PGK1: variants seen among roughly 807,000 people sequenced by gnomAD.
The protein encoded by PGK1 is phosphoglycerate kinase 1, also known as PRP 2.
A neutral mutation model predicts 26.9 loss-of-function variants in PGK1; 3 were observed. The observed-to-expected ratio is 0.11, with a 90% CI of 0.05 to 0.29. PGK1 has a LOEUF of 0.29. Ranked by LOEUF, PGK1 falls within the 10% of genes least tolerant of loss-of-function variation. The probability of loss-of-function intolerance (pLI) is 1.00; values close to 1 mark genes in which losing one functional copy is unlikely to be tolerated. For synonymous variants in PGK1, 125 were observed against 115.3 expected (o/e 1.08, Z -0.54); for missense variants, 270 against 314.7 (o/e 0.86, Z 1.07).
intron 4 of PGK1, among the ~76,000 whole-genome samples, chrX:78,115,933 C>T (rs1284171680): frequency 9.0e-6 from 1 of 110,885 alleles, no homozygotes; most frequent in African/African-American, 3.3e-5. Flanking sequence ...ATTGCAGCCT[C>T]AAACTTGAGG....
In PGK1 at chrX:78,114,009, T is replaced by C; in HGVS notation, c.273-7T>C. On this transcript the variant is annotated splice_polypyrimidine_tract_variant and splice_region_variant and intron_variant, in intron 3 of 10. Coordinates refer to ENST00000373316, the MANE Select transcript of PGK1 (RefSeq NM_000291.4). ...GCTCAAGTGTCTTCATCTCTTCCTC[T>C]TCTCAGGGATGTTCTGTTCTTGAAG... The C allele has an allele frequency of 2.5e-6, 3 of 1,211,068 alleles. No homozygotes were observed. Among genetic ancestry groups the C allele is most frequent in the Non-Finnish European group, 3.4e-6 (3 of 894,951 alleles).
rs1262591204 is a variant in PGK1 at position 78,129,277 on chromosome X, T to G, written c.*3447T>G. On this transcript the variant is annotated 3_prime_UTR_variant, in exon 11 of 11. Transcript: ENST00000373316. ...TCTATCTATCTGTATATAGATATAT[T>G]AAAATGTAAATGGTGGCATACCTGC... The G allele has an allele frequency of 1.1e-5, 1 of 94,516 alleles. No individual in the cohort carries two copies. Among genetic ancestry groups the G allele is most frequent in the African/African-American group, 4.2e-5 (1 of 23,677 alleles). 7.8% of individuals were successfully genotyped at this position (94,516 alleles called of 1,213,427 possible).
In PGK1 at chrX:78,124,052, CAT is replaced by C. The variant is rs2078370658; in HGVS notation, c.936+681_936+682del. ...AGAAAGCTATATAAGAAAACTTTCT[CAT>C]ATGAAAAAATTAAGTATACTGATTA... On this transcript the variant is annotated intron_variant, in intron 8 of 10. Coordinates refer to ENST00000373316, the MANE Select transcript of PGK1 (RefSeq NM_000291.4). 2.7e-5 allele frequency among the ~76,000 whole-genome samples: 3 copies of C among 111,216 alleles called. No homozygotes were observed. The Admixed American group carries it at 2.9e-4, about 11-fold the overall frequency.
intron 6 of PGK1, among the ~76,000 whole-genome samples, chrX:78,121,884 C>T (rs911201446): frequency 9.0e-6 from 1 of 111,236 alleles, no homozygotes; most frequent in Non-Finnish European, 1.9e-5. Context: ...ATTGGGTGAC[C>T]CAATAAAAAT....
At chrX:78,110,182 T>C (rs2078293094) in intron 2 of PGK1, among the ~76,000 whole-genome samples, 1 of 110,891 alleles carries the variant, frequency 9.0e-6, no homozygotes, top group Non-Finnish European at 1.9e-5. Flanking sequence ...AGATAGGGTC[T>C]CACTCTGTCA....
intron 6 of PGK1, among the ~76,000 whole-genome samples, chrX:78,119,182 A>G (rs1209504279): frequency 2.7e-5 from 3 of 111,964 alleles, no homozygotes; most frequent in Non-Finnish European, 5.6e-5. Context: ...CTGGCAGGGT[A>G]TAACTATGAA....
intron 1 of PGK1, among the ~76,000 whole-genome samples, chrX:78,107,648 A>G (rs1157566908): frequency 8.9e-6 from 1 of 112,078 alleles, no homozygotes; most frequent in African/African-American, 3.3e-5. Context: ...GAAGGATATT[A>G]GGGTTGTTTC....
intron 6 of PGK1, among the ~76,000 whole-genome samples, chrX:78,121,679 A>C (rs1473784671): frequency 8.9e-6 from 1 of 112,477 alleles, no homozygotes; most frequent in African/African-American, 3.2e-5. Flanking sequence ...GCAGGCTATT[A>C]CTTTGTTTCT....
intron 1 of PGK1, among the ~76,000 whole-genome samples, chrX:78,106,945 A>G (rs1183590253): frequency 2.7e-5 from 3 of 110,392 alleles, no homozygotes; most frequent in African/African-American, 9.9e-5. Flanking sequence ...GGGAAGAGAA[A>G]CAGGAAAAAA....
chrX:78,109,079 T>C, intron 1 of PGK1, among the ~76,000 whole-genome samples: 1 of 111,986 alleles, frequency 8.9e-6, no homozygotes, highest in South Asian at 3.7e-4. Context: ...TTCTTAAGAA[T>C]GATAACATAG....
At chrX:78,106,600 A>T in intron 1 of PGK1, 2 of 753,008 alleles carry the variant, frequency 2.7e-6, no homozygotes, top group Non-Finnish European at 3.1e-6. Flanking sequence ...TGTCCTGCAG[A>T]AGTGAACTAT....
At chrX:78,119,017 A>G (rs931133976) in intron 6 of PGK1, among the ~76,000 whole-genome samples, 9 of 111,651 alleles carry the variant, frequency 8.1e-5, no homozygotes, top group Non-Finnish European at 1.7e-4. Flanking sequence ...TCTGCAGGGA[A>G]GAATGGGAAA....
chrX:78,107,687 C>T (rs1241144945), intron 1 of PGK1, among the ~76,000 whole-genome samples: 1 of 111,635 alleles, frequency 9.0e-6, no homozygotes, highest in African/African-American at 3.3e-5. Context: ...AATACAGCTG[C>T]TGTGAACATT....
intron 4 of PGK1, among the ~76,000 whole-genome samples, chrX:78,114,518 C>CT (rs1319873932): frequency 9.0e-6 from 1 of 110,573 alleles, no homozygotes; most frequent in East Asian, 2.8e-4. Flanking sequence ...AAGTATGTTC[C>CT]TTTAAATCTC....
rs188624001 is a variant in PGK1 at position 78,109,266 on chromosome X, T to A, written c.66-601T>A. Reference sequence around the variant, plus strand: ...GTATTGCTTGAAGGACCCCTAGTCTTAAGGCCCCAGGCTTTCTCCAAAAAG... The same window carrying A: ...GTATTGCTTGAAGGACCCCTAGTCTAAAGGCCCCAGGCTTTCTCCAAAAAG... On this transcript the variant is annotated intron_variant, in intron 1 of 10. Transcript: ENST00000373316. 2.5e-3 allele frequency among the ~76,000 whole-genome samples: 280 copies of A among 111,759 alleles called. 2 individuals are homozygous for A. The highest frequency in any genetic ancestry group is 1.7e-3 in the Non-Finnish European group (91 of 53,153).
Position 78,125,000 on chromosome X carries a change from C to G in PGK1, c.1063C>G (p.Leu355Val), listed in dbSNP as rs369320831. The change falls in exon 9 of 11, where the codon CTC becomes GTC. Residue 355 changes from leucine (L) to valine (V), a missense_variant. Physicochemically the swap from Leu to Val is conservative, Grantham distance 32. This residue lies in a region of PGK1 where 103 missense variants were observed against 114.6 expected (regional missense o/e 0.90). Transcript: ENST00000373316. ...WEAFARGTKA[L>V]MDEVVKATSR... ...AGCTTTTGCCCGGGGAACCAAAGCTCTCATGGATGAGGTGGTGAAAGCCAC... is the reference window on the plus strand; with the variant it reads ...AGCTTTTGCCCGGGGAACCAAAGCTGTCATGGATGAGGTGGTGAAAGCCAC... 1 of 1,210,553 alleles carries G rather than the reference C, an allele frequency of 8.3e-7. No homozygotes were observed. Among genetic ancestry groups the G allele is most frequent in the Admixed American group, 2.2e-5 (1 of 45,985 alleles).
At chrX:78,115,751 C>T (rs183521216) in intron 4 of PGK1, among the ~76,000 whole-genome samples, 169 of 112,568 alleles carry the variant, frequency 1.5e-3, no homozygotes, top group Non-Finnish European at 2.1e-3. Context: ...TCTCTTTCTT[C>T]TAGTTATTTG....
At chrX:78,117,230 T>C (rs1448028329) in intron 4 of PGK1, 82 bp from the exon 5 acceptor site, 3 of 677,038 alleles carry the variant, frequency 4.4e-6, no homozygotes, top group African/African-American at 4.3e-5. Flanking sequence ...TTAGAGATGT[T>C]CAAGAGGACT....
intron 1 of PGK1, among the ~76,000 whole-genome samples, chrX:78,104,984 A>G (rs1305336567): frequency 1.8e-5 from 2 of 112,371 alleles, no homozygotes; most frequent in African/African-American, 6.5e-5. Flanking sequence ...TGCAGAGCTT[A>G]CGTAACAGGC....
Sources: gnomAD v4.1 joint callset for allele counts (sites outside exome capture counted in the v4.1 genomes callset) on GRCh38, gnomAD v4.1.1 for gene constraint, gnomAD v4.1.1 regional missense constraint, MANE v1.5 for transcripts, NCBI Gene and HGNC (gene_info 2026-07-23, HGNC 2026-07-21) for gene names.